THSD4: variants seen among roughly 807,000 people sequenced by gnomAD.
The protein encoded by THSD4 is thrombospondin type-1 domain-containing protein 4.
THSD4 carries 69 observed loss-of-function variants against 119.0 expected under a neutral mutation model. That is an observed-to-expected ratio of 0.58 (90% CI 0.48 to 0.71). The LOEUF (loss-of-function observed/expected upper bound fraction) is 0.71, where lower values mean the gene tolerates loss of function less well. Among genes scored for constraint, THSD4 ranks in the 30% least tolerant of loss-of-function variants. The probability of loss-of-function intolerance (pLI) is 0.00; values close to 1 mark genes in which losing one functional copy is unlikely to be tolerated. For synonymous variants in THSD4, 524 were observed against 540.4 expected (o/e 0.97, Z 0.42); for missense variants, 1,393 against 1,391.1 (o/e 1.00, Z -0.02).
upstream of THSD4, chr15:71,114,902 G>A (rs1279204998): frequency 6.6e-6 from 1 of 152,256 alleles, no homozygotes; most frequent in African/African-American, 2.4e-5. Flanking sequence ...CTTGGCCTCA[G>A]AAGGAGCCCA....
intron 6 of THSD4, among the ~76,000 whole-genome samples, chr15:71,399,063 G>A (rs1257935742): frequency 6.6e-6 from 1 of 152,072 alleles, no homozygotes; most frequent in African/African-American, 2.4e-5. Flanking sequence ...TAGCCCATTG[G>A]CAGCACAGCA....
At chr15:71,424,219 AGG>A (rs745754787) in intron 7 of THSD4, among the ~76,000 whole-genome samples, 3 of 152,020 alleles carry the variant, frequency 2.0e-5, no homozygotes, top group Non-Finnish European at 4.4e-5. Flanking sequence ...TCCTGTGTGG[AGG>A]ATGATGATGA....
intron 8 of THSD4, among the ~76,000 whole-genome samples, chr15:71,698,853 G>A (rs1201713959): frequency 6.6e-6 from 1 of 151,800 alleles, no homozygotes; most frequent in Non-Finnish European, 1.5e-5. Context: ...ACTTATATGA[G>A]GAATCTAAAA....
chr15:71,513,459 A>G (rs2048311736), intron 7 of THSD4, among the ~76,000 whole-genome samples: 1 of 152,252 alleles, frequency 6.6e-6, no homozygotes. Context: ...TTAAATTGAC[A>G]TTTAGCAAAA....
intron 7 of THSD4, among the ~76,000 whole-genome samples, chr15:71,557,295 T>C (rs1055840374): frequency 6.6e-6 from 1 of 152,226 alleles, no homozygotes; most frequent in Non-Finnish European, 1.5e-5. Context: ...GATTTTATAA[T>C]GTTAAACTAT....
chr15:71,441,218 ATG>A (rs1376044689), intron 7 of THSD4, among the ~76,000 whole-genome samples: 5 of 124,292 alleles, frequency 4.0e-5, no homozygotes, highest in Non-Finnish European at 5.4e-5. Flanking sequence ...TGATGCGGGG[ATG>A]TGTCTGGGAA....
At chr15:71,708,331 C>T (rs2052433544) in intron 8 of THSD4, among the ~76,000 whole-genome samples, 1 of 152,186 alleles carries the variant, frequency 6.6e-6, no homozygotes, top group Non-Finnish European at 1.5e-5. Context: ...GTAGACAATG[C>T]ACCTCCTTAT....
At chr15:71,737,438 G>C (rs966242575) in intron 10 of THSD4, among the ~76,000 whole-genome samples, 7 of 152,184 alleles carry the variant, frequency 4.6e-5, no homozygotes, top group African/African-American at 1.4e-4. Flanking sequence ...GAGTAAAGTT[G>C]AGGATTTTTG....
At position 71,265,167 on chromosome 15, in the gene THSD4, T is replaced by C. The variant is rs561241277; in HGVS notation, c.1015+8452T>C. Among the ~76,000 whole-genome samples the C allele has an allele frequency of 5.3e-5, 8 of 151,934 alleles. No homozygotes were observed. The South Asian group carries it at 1.7e-3, about 32-fold the overall frequency. ...ACACTAACAGTGGTGGCTGGCAAGA[T>C]GGTCAAGTAGAAACGGCTCCGGTCT... On this transcript the variant is annotated intron_variant, in intron 6 of 17. Transcript: ENST00000261862.
At chr15:71,223,736 T>A (rs1334593678) in intron 4 of THSD4, among the ~76,000 whole-genome samples, 1 of 152,238 alleles carries the variant, frequency 6.6e-6, no homozygotes, top group East Asian at 1.9e-4. Context: ...TAAGGGAGTG[T>A]GCTGAGTGTT....
At chr15:71,136,146 G>T (rs1006124214) in intron 1 of THSD4, among the ~76,000 whole-genome samples, 10 of 151,922 alleles carry the variant, frequency 6.6e-5, no homozygotes, top group Admixed American at 4.6e-4. Flanking sequence ...TGTTGTGAGG[G>T]TTGTATAGCA....
intron 3 of THSD4, among the ~76,000 whole-genome samples, chr15:71,196,320 G>A (rs2140232362): frequency 6.6e-6 from 1 of 152,312 alleles, no homozygotes; most frequent in South Asian, 2.1e-4. Context: ...GAGTCCCAGA[G>A]CTTATAAATC....
intron 7 of THSD4, chr15:71,547,216 T>A: frequency 7.3e-7 from 1 of 1,366,362 alleles, no homozygotes. Flanking sequence ...CATGAAGAGA[T>A]CAGCTTACCA....
intron 7 of THSD4, among the ~76,000 whole-genome samples, chr15:71,425,532 G>A (rs752237160): frequency 2.0e-4 from 30 of 151,994 alleles, no homozygotes; most frequent in Admixed American, 1.8e-3. Flanking sequence ...ACCCTTCATC[G>A]TCTGCCCCCT....
chr15:71,233,613 A>G (rs2044078553), intron 4 of THSD4, among the ~76,000 whole-genome samples: 1 of 152,210 alleles, frequency 6.6e-6, no homozygotes, highest in Non-Finnish European at 1.5e-5. Context: ...TCATTCTTTT[A>G]AACAGCTTCA....
chr15:71,690,348 C>T (rs1567102961), intron 8 of THSD4, among the ~76,000 whole-genome samples: 2 of 152,174 alleles, frequency 1.3e-5, no homozygotes, highest in African/African-American at 4.8e-5. Context: ...CTGCAGCTGC[C>T]ACTCCCCACC....
At chr15:71,199,923 G>A (rs1455353526) in intron 3 of THSD4, among the ~76,000 whole-genome samples, 1 of 58,496 alleles carries the variant, frequency 1.7e-5, no homozygotes, top group Non-Finnish European at 4.2e-5. Flanking sequence ...TGGGGTGTGT[G>A]TGTGTGTGTG....
At chr15:71,117,604 A>C (rs2040374112) in intron 1 of THSD4, among the ~76,000 whole-genome samples, 2 of 152,072 alleles carry the variant, frequency 1.3e-5, no homozygotes, top group Admixed American at 1.3e-4. Flanking sequence ...CACTGCCCCC[A>C]CCTTCAACCA....
chr15:71,732,601 G>T (rs886407254), intron 10 of THSD4: 4 of 152,216 alleles, frequency 2.6e-5, no homozygotes, highest in African/African-American at 9.6e-5. Flanking sequence ...TGAGCTCTTT[G>T]CGTAGATTAG....
Sources: allele counts gnomAD v4.1 joint callset (sites outside exome capture counted in the v4.1 genomes callset), GRCh38; gene constraint gnomAD v4.1.1; transcripts MANE v1.5; gene names NCBI Gene and HGNC (gene_info 2026-07-23, HGNC 2026-07-21).